Variants in FBXL13 observed in about 807,000 individuals in gnomAD.
FBXL13 encodes the protein F-box and leucine-rich repeat protein 13.
A neutral mutation model predicts 83.6 loss-of-function variants in FBXL13; 67 were observed. The observed-to-expected ratio is 0.80, with a 90% CI of 0.66 to 0.98. The LOEUF is 0.98. FBXL13 is among the 50% of genes least tolerant of loss of function. The pLI, the probability that FBXL13 is intolerant of heterozygous loss-of-function variation, is 0.00. For missense variants in FBXL13, 822 were observed against 866.5 expected, an observed-to-expected ratio of 0.95 and a Z score of 0.64; for synonymous variants, 272 against 299.5, an observed-to-expected ratio of 0.91 and a Z score of 0.95.
chr7:102,902,046 CA>C (rs2129465466), intron 11 of FBXL13, among the ~76,000 whole-genome samples: 1 of 152,290 alleles, frequency 6.6e-6, no homozygotes, highest in South Asian at 2.1e-4. Context: ...TTTACATTCC[CA>C]CCAGCAGTGT....
At chr7:103,023,058 C>T (rs1397259065) in intron 6 of FBXL13, among the ~76,000 whole-genome samples, 1 of 152,044 alleles carries the variant, frequency 6.6e-6, no homozygotes, top group Admixed American at 6.6e-5. Context: ...GGGTGGATCA[C>T]GAGGTCAGGA....
At chr7:102,939,494 A>C in intron 8 of FBXL13, 1 of 1,614,050 alleles carries the variant, frequency 6.2e-7, no homozygotes. Flanking sequence ...CATACAATAA[A>C]ATCAACCAAC....
intron 6 of FBXL13, among the ~76,000 whole-genome samples, chr7:103,024,135 A>AAGAGAGAGAGAGAGAGAGAGAGAGAG (rs59206823): frequency 2.1e-5 from 2 of 96,584 alleles, no homozygotes; most frequent in Admixed American, 1.3e-4. Context: ...AAAAGTTAAA[A>AAGAGAGAGAGAGAGAGAGAGAGAGAG]AGAGAGAGAG....
At chr7:102,835,849 T>G (rs1003441955) in intron 17 of FBXL13, among the ~76,000 whole-genome samples, 9 of 151,996 alleles carry the variant, frequency 5.9e-5, no homozygotes, top group Non-Finnish European at 8.8e-5. Context: ...GACCTCGTGA[T>G]CCGCCCGCCT....
chr7:103,061,184 T>TG (rs1797868023), intron 1 of FBXL13, among the ~76,000 whole-genome samples: 1 of 152,012 alleles, frequency 6.6e-6, no homozygotes, highest in African/African-American at 2.4e-5. Flanking sequence ...GGTTTTTTTT[T>TG]TTTGTTTTTT....
intron 16 of FBXL13, among the ~76,000 whole-genome samples, chr7:102,868,654 G>GT (rs1342755305): frequency 5.3e-5 from 8 of 151,480 alleles, no homozygotes; most frequent in Non-Finnish European, 7.4e-5. Context: ...TTCCTTTGTG[G>GT]TTTTTTTGTT....
At chr7:102,884,256 A>C in exon 12 of FBXL13, 1 of 1,613,860 alleles carries the variant, frequency 6.2e-7, no homozygotes, top group Non-Finnish European at 8.5e-7. Context: ...CATTAATGGT[A>C]AGATGCATAA....
At chr7:102,966,774 C>T (rs866809375) in intron 7 of FBXL13, among the ~76,000 whole-genome samples, 1 of 152,184 alleles carries the variant, frequency 6.6e-6, no homozygotes, top group South Asian at 2.1e-4. Context: ...TTAGCACAAA[C>T]AATAACTTTA....
At chr7:102,852,122 C>A (rs1805352904) in intron 17 of FBXL13, among the ~76,000 whole-genome samples, 1 of 152,076 alleles carries the variant, frequency 6.6e-6, no homozygotes, top group Admixed American at 6.6e-5. Context: ...TCATCGCTCT[C>A]CATGTAAAAT....
At chr7:102,846,291 A>G (rs1405390547) in intron 17 of FBXL13, among the ~76,000 whole-genome samples, 1 of 152,190 alleles carries the variant, frequency 6.6e-6, no homozygotes, top group Non-Finnish European at 1.5e-5. Flanking sequence ...TTTGTGTTCA[A>G]TCACTGAGCA....
chr7:102,847,027 T>C (rs1011510490), intron 17 of FBXL13, among the ~76,000 whole-genome samples: 2 of 152,328 alleles, frequency 1.3e-5, no homozygotes, highest in African/African-American at 2.4e-5. Context: ...GAAAATGATA[T>C]GAAATTCAAA....
intron 2 of FBXL13, among the ~76,000 whole-genome samples, chr7:103,039,049 A>C (rs1795380605): frequency 6.6e-6 from 1 of 152,220 alleles, no homozygotes; most frequent in African/African-American, 2.4e-5. Context: ...GTTCTAACCC[A>C]TCCCAAGGAA....
At chr7:103,010,245 C>T (rs1791459048) in intron 6 of FBXL13, among the ~76,000 whole-genome samples, 1 of 152,044 alleles carries the variant, frequency 6.6e-6, no homozygotes, top group Admixed American at 6.5e-5. Context: ...GAGCTTTCAG[C>T]CCAGTGTTCC....
At chr7:103,074,042 T>C (rs1382630602) in intron 1 of FBXL13, among the ~76,000 whole-genome samples, 2 of 152,206 alleles carry the variant, frequency 1.3e-5, no homozygotes, top group African/African-American at 4.8e-5. Context: ...CTAATGTCTA[T>C]CCCCTTCCTG....
intron 11 of FBXL13, among the ~76,000 whole-genome samples, chr7:102,911,164 C>A (rs1005962543): frequency 2.0e-5 from 3 of 152,160 alleles, no homozygotes; most frequent in African/African-American, 7.2e-5. Flanking sequence ...CTTGCTTCAC[C>A]TCCTCCAATT....
At chr7:103,001,592 A>G (rs1790411065) in intron 6 of FBXL13, among the ~76,000 whole-genome samples, 1 of 152,212 alleles carries the variant, frequency 6.6e-6, no homozygotes, top group Non-Finnish European at 1.5e-5. Flanking sequence ...TGTGGGTCAC[A>G]TCCTATTGGC....
chr7:102,971,116 G>T (rs1164298963), intron 6 of FBXL13, among the ~76,000 whole-genome samples: 1 of 152,102 alleles, frequency 6.6e-6, no homozygotes, highest in Non-Finnish European at 1.5e-5. Context: ...GCAGGAAAAT[G>T]AAAATATATC....
chr7:103,022,101 C>G (rs1469349494), intron 6 of FBXL13, among the ~76,000 whole-genome samples: 2 of 152,080 alleles, frequency 1.3e-5, no homozygotes, highest in Non-Finnish European at 2.9e-5. Flanking sequence ...CAATGATAGA[C>G]TGGATTAAGA....
chr7:102,862,341 A>G (rs1006581315), intron 16 of FBXL13, among the ~76,000 whole-genome samples: 3 of 152,010 alleles, frequency 2.0e-5, no homozygotes, highest in Non-Finnish European at 4.4e-5. Context: ...AAAAAAAAAA[A>G]AAAAGAAAAG....
Sources: gnomAD v4.1 joint callset for allele counts (sites outside exome capture counted in the v4.1 genomes callset) on GRCh38, gnomAD v4.1.1 for gene constraint, MANE v1.5 for transcripts, NCBI Gene and HGNC (gene_info 2026-07-23, HGNC 2026-07-21) for gene names.